PRDM16: variants seen among roughly 807,000 people sequenced by gnomAD.
PRDM16 encodes the protein histone-lysine N-methyltransferase PRDM16.
Under a neutral mutation model 110.6 loss-of-function variants are expected in PRDM16, and 23 were observed. The observed-to-expected ratio is 0.21, with a 90% CI of 0.15 to 0.29. The LOEUF (loss-of-function observed/expected upper bound fraction) is 0.29, where lower values mean the gene tolerates loss of function less well. Among genes scored for constraint, PRDM16 ranks in the 10% least tolerant of loss-of-function variants. The probability of loss-of-function intolerance (pLI) is 1.00; values close to 1 mark genes in which losing one functional copy is unlikely to be tolerated. For synonymous variants in PRDM16, 799 were observed against 781.8 expected (o/e 1.02, Z -0.37); for missense variants, 1,615 against 1,794.3 (o/e 0.90, Z 1.81).
chr1:3,312,877 AACACACACGTGTGGACAGAGGTC>A (rs1390098809), intron 3 of PRDM16, among the ~76,000 whole-genome samples: 2 of 152,334 alleles, frequency 1.3e-5, no homozygotes, highest in East Asian at 3.9e-4. Flanking sequence ...GGCTTTTCAA[AACACACACGTGTGGACAGAGGTC>A]CACACACGGA....
At chr1:3,220,416 T>C (rs1311995837) in intron 2 of PRDM16, among the ~76,000 whole-genome samples, 2 of 152,118 alleles carry the variant, frequency 1.3e-5, no homozygotes, top group Admixed American at 1.3e-4. Context: ...CTTCCACAGC[T>C]CTGTGGGCCT....
intron 3 of PRDM16, among the ~76,000 whole-genome samples, chr1:3,264,310 T>C (rs1640235638): frequency 6.6e-6 from 1 of 151,702 alleles, no homozygotes; most frequent in Non-Finnish European, 1.5e-5. Context: ...GGGAGCAGCA[T>C]ATCCAAGGAC....
chr1:3,112,506 C>G lies in PRDM16; in HGVS notation c.37+43210C>G, dbSNP rs113130483. Among the ~76,000 whole-genome samples the G allele has an allele frequency of 7.2e-5, 11 of 152,334 alleles. No individual in the cohort carries two copies. The South Asian group carries it at 2.3e-3, about 32-fold the overall frequency. ...TTTGCACGGGAAGGCTCTGTGTTCC[C>G]GGGCCGGCTTCGCCCCAGGGCCCCG... On this transcript the variant is annotated intron_variant, in intron 1 of 16. Coordinates refer to ENST00000270722, the MANE Select transcript of PRDM16 (RefSeq NM_022114.4).
chr1:3,364,845 CA>C (rs1247484005), intron 3 of PRDM16, among the ~76,000 whole-genome samples: 1 of 152,220 alleles, frequency 6.6e-6, no homozygotes, highest in East Asian at 1.9e-4. Flanking sequence ...AAGGAAGCAG[CA>C]TGTTTTCGGG....
At chr1:3,180,961 TAC>T (rs538692098) in intron 1 of PRDM16, among the ~76,000 whole-genome samples, 6,867 of 137,080 alleles carry the variant, frequency 0.05, 171 homozygotes, top group Admixed American at 0.07. Flanking sequence ...CACGCAGTCT[TAC>T]ACACTCGGTC....
chr1:3,376,755 C>T (rs989586869), intron 3 of PRDM16, among the ~76,000 whole-genome samples: 1 of 150,132 alleles, frequency 6.7e-6, no homozygotes, highest in Non-Finnish European at 1.5e-5. Flanking sequence ...CTCCCATCCT[C>T]CTTCGTTTCC....
chr1:3,310,549 C>G lies in PRDM16; in HGVS notation c.438+66412C>G, dbSNP rs144083936. On this transcript the variant is annotated intron_variant, in intron 3 of 16. Coordinates refer to ENST00000270722, the MANE Select transcript of PRDM16 (RefSeq NM_022114.4). ...TTGGGGAGGTTGGGCTCCCCAGGGA[C>G]ACAGCATCCGTGCCTGGGGAGAGAA... Among the ~76,000 whole-genome samples, 432 of 152,228 alleles carry G rather than the reference C, an allele frequency of 2.8e-3. 1 individual carries two copies. The highest frequency in any genetic ancestry group is 8.7e-3 in the African/African-American group (363 of 41,546).
chr1:3,409,410 C>T (rs995938278), intron 8 of PRDM16, among the ~76,000 whole-genome samples: 1 of 152,112 alleles, frequency 6.6e-6, no homozygotes, highest in Non-Finnish European at 1.5e-5. Flanking sequence ...AAGTTCTTCT[C>T]CCCTCAGCCT....
chr1:3,426,448 C>T (rs1638609744), intron 14 of PRDM16, among the ~76,000 whole-genome samples: 1 of 152,080 alleles, frequency 6.6e-6, no homozygotes, highest in Non-Finnish European at 1.5e-5. Context: ...TGAGAGTAAG[C>T]ACCCCTGGGC....
At chr1:3,300,479 C>T (rs1193601500) in intron 3 of PRDM16, among the ~76,000 whole-genome samples, 6 of 151,854 alleles carry the variant, frequency 4.0e-5, no homozygotes, top group African/African-American at 1.5e-4. Context: ...CAATCCCAGT[C>T]GTGGTGGCTC....
chr1:3,272,428 A>T (rs1435086890), intron 3 of PRDM16, among the ~76,000 whole-genome samples: 1 of 152,092 alleles, frequency 6.6e-6, no homozygotes, highest in Non-Finnish European at 1.5e-5. Context: ...GCCCACAGGC[A>T]CGCGCTGGAC....
chr1:3,410,961 A>T (rs1643674871), intron 8 of PRDM16, among the ~76,000 whole-genome samples: 1 of 152,190 alleles, frequency 6.6e-6, no homozygotes, highest in African/African-American at 2.4e-5. Context: ...ATTCTCCAGC[A>T]AAGAAGGTGG....
chr1:3,319,299 A>T (rs1054194633), intron 3 of PRDM16, among the ~76,000 whole-genome samples: 1 of 152,156 alleles, frequency 6.6e-6, no homozygotes, highest in Non-Finnish European at 1.5e-5. Flanking sequence ...CAAGGGAGAG[A>T]TTAGGAGCTG....
chr1:3,365,716 C>A (rs1012649418), intron 3 of PRDM16, among the ~76,000 whole-genome samples: 3 of 152,324 alleles, frequency 2.0e-5, no homozygotes, highest in South Asian at 2.1e-4. Context: ...AAGTGGCTCC[C>A]GTCACCTCGC....
chr1:3,415,594 G>GCCT, intron 10 of PRDM16, among the ~76,000 whole-genome samples: 1 of 152,398 alleles, frequency 6.6e-6, no homozygotes, highest in African/African-American at 2.4e-5. Flanking sequence ...GAGCCAGCCA[G>GCCT]GCGCATCCTG....
intron 2 of PRDM16, among the ~76,000 whole-genome samples, chr1:3,188,346 C>G (rs998447548): frequency 2.0e-5 from 3 of 152,168 alleles, no homozygotes; most frequent in Non-Finnish European, 4.4e-5. Context: ...TTGTTCTTGT[C>G]TACTCTGATA....
At chr1:3,346,848 T>C (rs996270424) in intron 3 of PRDM16, among the ~76,000 whole-genome samples, 13 of 152,206 alleles carry the variant, frequency 8.5e-5, no homozygotes, top group African/African-American at 3.1e-4. Context: ...TGAGTGACCA[T>C]GCAACCAAGT....
chr1:3,092,452 A>C, intron 1 of PRDM16, among the ~76,000 whole-genome samples: 1 of 152,238 alleles, frequency 6.6e-6, no homozygotes, highest in Admixed American at 6.5e-5. Context: ...CCATGAATGG[A>C]GCAGGTCTCA....
chr1:3,185,029 C>G (rs962732071), intron 1 of PRDM16, among the ~76,000 whole-genome samples: 2 of 152,204 alleles, frequency 1.3e-5, no homozygotes, highest in African/African-American at 4.8e-5. Flanking sequence ...CTCATTCCCT[C>G]GCAGACGGAC....
Sources: allele counts gnomAD v4.1 joint callset (sites outside exome capture counted in the v4.1 genomes callset), GRCh38; gene constraint gnomAD v4.1.1; transcripts MANE v1.5; gene names NCBI Gene and HGNC (gene_info 2026-07-23, HGNC 2026-07-21).